Variants in STAG1 observed in about 807,000 individuals in gnomAD.
STAG1 encodes STAG1 cohesin complex component, also known as cohesin subunit SA-1.
Under a neutral mutation model 170.9 loss-of-function variants are expected in STAG1, and 26 were observed. The observed-to-expected ratio is 0.15, with a 90% CI of 0.11 to 0.21. STAG1 has a LOEUF of 0.21. Among genes scored for constraint, STAG1 ranks in the 10% least tolerant of loss-of-function variants. STAG1 has a pLI of 1.00. For missense variants in STAG1, 964 were observed against 1,509.5 expected, an observed-to-expected ratio of 0.64 and a Z score of 5.99; for synonymous variants, 514 against 497.7, an observed-to-expected ratio of 1.03 and a Z score of -0.44.
chr3:136,623,348 G>T, intron 2 of STAG1, 100 bp from the exon 3 acceptor site: 1 of 962,166 alleles, frequency 1.0e-6, no homozygotes, highest in South Asian at 1.7e-5. Context: ...GATTAGAAGT[G>T]GTTTATACTT....
At chr3:136,455,656 A>C (rs2089089781) in intron 13 of STAG1, among the ~76,000 whole-genome samples, 1 of 152,246 alleles carries the variant, frequency 6.6e-6, no homozygotes, top group Non-Finnish European at 1.5e-5. Flanking sequence ...GCCAGTGGGA[A>C]TGCCATGTTG....
At chr3:136,550,467 C>G in intron 5 of STAG1, among the ~76,000 whole-genome samples, 1 of 151,992 alleles carries the variant, frequency 6.6e-6, no homozygotes, top group African/African-American at 2.4e-5. Flanking sequence ...ACCACCATGC[C>G]CGGCTAATTT....
At chr3:136,560,980 C>T (rs1458872520) in intron 5 of STAG1, among the ~76,000 whole-genome samples, 2 of 152,112 alleles carry the variant, frequency 1.3e-5, no homozygotes, top group Admixed American at 1.3e-4. Context: ...GCTCTCTTCC[C>T]ACTTCAGGTC....
Position 136,422,859 on chromosome 3 carries a change from TAGA to T in STAG1, c.1744-5_1744-3del, listed in dbSNP as rs759561079. ...TACCTTCTCTGCATCTGCAGAATAC[TAGA>T]AGGAGAAGCAAAGAAAAAGACAGTA... On this transcript the variant is annotated splice_region_variant and splice_polypyrimidine_tract_variant and intron_variant, in intron 17 of 33. Coordinates refer to ENST00000383202, the MANE Select transcript of STAG1 (RefSeq NM_005862.3). The T allele has an allele frequency of 1.4e-4, 225 of 1,602,702 alleles. 1 individual carries two copies. The highest frequency in any genetic ancestry group is 1.8e-4 in the Non-Finnish European group (207 of 1,176,598).
chr3:136,627,473 T>C (rs986630926), intron 2 of STAG1, among the ~76,000 whole-genome samples: 2 of 152,186 alleles, frequency 1.3e-5, no homozygotes, highest in Non-Finnish European at 2.9e-5. Context: ...GAATCTTCCA[T>C]ATAAATATTT....
chr3:136,664,874 A>G (rs1941701291), intron 1 of STAG1, among the ~76,000 whole-genome samples: 1 of 152,226 alleles, frequency 6.6e-6, no homozygotes, highest in Non-Finnish European at 1.5e-5. Context: ...GAACCATCAA[A>G]CCTGAGGAAA....
intron 6 of STAG1, among the ~76,000 whole-genome samples, chr3:136,531,838 C>T (rs542279378): frequency 6.7e-6 from 1 of 148,810 alleles, no homozygotes; most frequent in East Asian, 2.0e-4. Flanking sequence ...TGCAGCGCAC[C>T]AGCATGGCAC....
At chr3:136,630,271 A>G (rs1940279496) in intron 2 of STAG1, among the ~76,000 whole-genome samples, 1 of 152,156 alleles carries the variant, frequency 6.6e-6, no homozygotes, top group Non-Finnish European at 1.5e-5. Flanking sequence ...GGACGCCATC[A>G]AAAATGTCAA....
chr3:136,493,134 G>C (rs1292872988), intron 9 of STAG1, among the ~76,000 whole-genome samples: 1 of 152,106 alleles, frequency 6.6e-6, no homozygotes, highest in Non-Finnish European at 1.5e-5. Context: ...TTGAGCCCAG[G>C]AATTTGAGAC....
intron 28 of STAG1, among the ~76,000 whole-genome samples, chr3:136,357,033 C>T (rs866673682): frequency 4.1e-4 from 63 of 151,922 alleles, no homozygotes; most frequent in African/African-American, 1.4e-3. Context: ...CTGCAAGCTC[C>T]GCCTCCCAGG....
At chr3:136,512,105 A>AT (rs1438827343) in intron 7 of STAG1, among the ~76,000 whole-genome samples, 13 of 150,242 alleles carry the variant, frequency 8.7e-5, no homozygotes, top group South Asian at 6.3e-4. Flanking sequence ...ATAAAAAAAA[A>AT]AAAAAAAAAA....
Position 136,374,433 on chromosome 3 carries a change from C to T in STAG1, c.2370+3227G>A, listed in dbSNP as rs530669940. Among the ~76,000 whole-genome samples, 13 of 152,216 alleles carry T rather than the reference C, an allele frequency of 8.5e-5. No homozygotes were observed. The South Asian group carries it at 2.5e-3, about 29-fold the overall frequency. On this transcript the variant is annotated intron_variant, in intron 23 of 33. Coordinates refer to ENST00000383202, the MANE Select transcript of STAG1 (RefSeq NM_005862.3). ...GGGAATTCGAGACCAGCCTGACCAA[C>T]ATGGAGAAATCCCATCTCTACTAAA...
intron 9 of STAG1, among the ~76,000 whole-genome samples, chr3:136,478,511 G>A (rs2089821782): frequency 6.6e-6 from 1 of 151,958 alleles, no homozygotes; most frequent in Non-Finnish European, 1.5e-5. Context: ...AATCTTCAAG[G>A]TTTCTGATTT....
At chr3:136,367,977 G>C (rs146428637) in intron 24 of STAG1, among the ~76,000 whole-genome samples, 134 of 152,182 alleles carry the variant, frequency 8.8e-4, no homozygotes, top group African/African-American at 2.8e-3. Context: ...TCCTTATTTG[G>C]AATCAACCTT....
At chr3:136,500,497 C>T (rs1933406721) in intron 8 of STAG1, among the ~76,000 whole-genome samples, 2 of 152,118 alleles carry the variant, frequency 1.3e-5, no homozygotes. Flanking sequence ...GAACTTTTCA[C>T]TGTCTCTCTC....
intron 1 of STAG1, chr3:136,736,687 G>C (rs1023521671): frequency 1.9e-6 from 3 of 1,603,748 alleles, no homozygotes; most frequent in Non-Finnish European, 2.6e-6. Context: ...CCCCTTTGTC[G>C]TTTCCTTTCA....
chr3:136,670,121 A>G (rs1358633979), intron 1 of STAG1, among the ~76,000 whole-genome samples: 1 of 152,222 alleles, frequency 6.6e-6, no homozygotes, highest in East Asian at 1.9e-4. Flanking sequence ...CAAGTTATTC[A>G]CTAATCATTT....
intron 1 of STAG1, among the ~76,000 whole-genome samples, chr3:136,735,674 G>A (rs919472557): frequency 4.6e-5 from 7 of 151,894 alleles, no homozygotes; most frequent in African/African-American, 1.2e-4. Context: ...GTGCAATGGC[G>A]CGATTTCTGC....
chr3:136,720,288 T>C (rs898860727), intron 1 of STAG1, among the ~76,000 whole-genome samples: 3 of 150,546 alleles, frequency 2.0e-5, no homozygotes, highest in African/African-American at 4.9e-5. Flanking sequence ...AAATCCAAAA[T>C]AGGTGGCATG....
Sources: gnomAD v4.1 joint callset for allele counts (sites outside exome capture counted in the v4.1 genomes callset) on GRCh38, gnomAD v4.1.1 for gene constraint, MANE v1.5 for transcripts, NCBI Gene and HGNC (gene_info 2026-07-23, HGNC 2026-07-21) for gene names.